Variants in COL2A1 observed in about 807,000 individuals in gnomAD.
COL2A1 encodes the protein collagen alpha-1(II) chain.
In COL2A1, 28 loss-of-function variants were observed where a neutral mutation model predicts 204.5. That is an observed-to-expected ratio of 0.14 (90% confidence interval 0.10 to 0.19). The LOEUF (loss-of-function observed/expected upper bound fraction) is 0.19. COL2A1 is among the 10% of genes least tolerant of loss of function. The pLI is 1.00. For synonymous variants in COL2A1, 708 were observed against 718.7 expected (o/e 0.99, Z 0.24); for missense variants, 1,388 against 2,027.5 (o/e 0.68, Z 6.06).
rs1334427396 is a variant in COL2A1, at chr12:47,980,764, G to A, written c.2518-103C>T. On this transcript the variant is annotated intron_variant, in intron 38 of 53. Coordinates refer to ENST00000380518, the MANE Select transcript of COL2A1 (RefSeq NM_001844.5). This position sits in a 1 kb window ranked among gnomAD's most constrained non-coding sequence, Gnocchi z 4.5. ...TGTGAGTATCTGCGTGTGTGTCCTG[G>A]TCTGGACATGATGGTTCTATTAGTA... 13 of 1,387,034 alleles carry A rather than the reference G, an allele frequency of 9.4e-6. No homozygotes were observed. Among genetic ancestry groups the A allele is most frequent in the Middle Eastern group, 1.8e-4 (1 of 5,706 alleles). The allele number at this position is 1,387,034 out of a possible 1,614,324, so 85.9% of individuals were successfully genotyped here.
chr12:47,997,826 A>G (rs1940034125), intron 6 of COL2A1, 45 bp downstream of exon 6: 1 of 1,612,682 alleles, frequency 6.2e-7, no homozygotes, highest in Non-Finnish European at 8.5e-7. Context: ...GCCTTGGGGG[A>G]CCTGGGAAGT....
chr12:48,004,394 C>T lies in COL2A1; in HGVS notation c.-73G>A, dbSNP rs1014590986. 2.8e-5 allele frequency: 25 copies of T among 892,502 alleles called. No individual in the cohort carries two copies. The highest frequency in any genetic ancestry group is 9.1e-5 in the South Asian group (6 of 65,820). The allele number at this position is 892,502 out of a possible 1,614,324, so 55.3% of individuals were successfully genotyped here. A position where few individuals can be genotyped will look rare whatever the true frequency, so the allele number is the denominator to read the frequency against. ...AAACGGCAGGAGCACGGCGCGGGTC[C>T]GGGTCTCTACCGCGCCCTCATGCAG... On this transcript the variant is annotated 5_prime_UTR_variant, in exon 1 of 54. Coordinates refer to ENST00000380518, the MANE Select transcript of COL2A1 (RefSeq NM_001844.5).
Position 47,976,120 on chromosome 12 carries a change from T to TG in COL2A1, c.3490-51dup. On this transcript the variant is annotated intron_variant, in intron 49 of 53. Coordinates refer to ENST00000380518, the MANE Select transcript of COL2A1 (RefSeq NM_001844.5). The surrounding 1 kb of genome is among the most constrained non-coding windows in gnomAD (Gnocchi z 4.3). ...AAAGAGTGGTCACCACAGGGAAGGC[T>TG]GGGGAGTCGCTGGGGCTGGGTAGGT... is the stretch of plus-strand genomic sequence containing the variant. 1 of 1,394,220 alleles carries TG rather than the reference T, an allele frequency of 7.2e-7. No homozygotes were observed. Among genetic ancestry groups the TG allele is most frequent in the Non-Finnish European group, 1.0e-6 (1 of 979,874 alleles). 86.4% of individuals were successfully genotyped at this position (1,394,220 alleles called of 1,614,324 possible). A position where few individuals can be genotyped will look rare whatever the true frequency, so the allele number is the denominator to read the frequency against.
At position 47,987,261 on chromosome 12, in the gene COL2A1, A is replaced by G. The variant is rs1448276817; in HGVS notation, c.1266+8T>C. ...CCTGGGGTAGCAAAGTCCACGGGCA[A>G]CACTCACAGCAGATCCTTTGGCTCC... is the stretch of plus-strand genomic sequence containing the variant. On this transcript the variant is annotated splice_region_variant and intron_variant, in intron 20 of 53. Transcript: ENST00000380518. The surrounding 1 kb of genome is among the most constrained non-coding windows in gnomAD (Gnocchi z 4.1). 6.2e-7 allele frequency: 1 copy of G among 1,614,092 alleles called. No homozygotes were observed. The highest frequency in any genetic ancestry group is 8.5e-7 in the Non-Finnish European group (1 of 1,179,990).
intron 7 of COL2A1, among the ~76,000 whole-genome samples, chr12:47,997,107 C>G (rs986778305): frequency 1.3e-5 from 2 of 152,150 alleles, no homozygotes; most frequent in Non-Finnish European, 2.9e-5. Context: ...AATAGCAAAC[C>G]TGCAAAAACT....
chr12:47,977,960 C>T (rs1365918532), intron 44 of COL2A1, 50 bp downstream of exon 44: 3 of 1,518,444 alleles, frequency 2.0e-6, no homozygotes, highest in Non-Finnish European at 2.7e-6. Context: ...CAGAGACTCA[C>T]AGGGCCCCTC....
chr12:47,979,523 G>A lies in COL2A1; in HGVS notation c.2721C>T (p.Pro907=). The change falls in exon 41 of 54, where the codon CCC becomes CCT. Residue 907 remains proline (P), a synonymous_variant. Coordinates refer to ENST00000380518, the MANE Select transcript of COL2A1 (RefSeq NM_001844.5). ...GFPGAAGRVG[P]PGSNGNPGPP... is the part of the protein sequence containing the mutation. ...GAGCATCACTTACATTGGAGCCTGG[G>A]GGTCCAACGCGGCCAGCAGCTCCAG... is the stretch of plus-strand genomic sequence containing the variant. 1 of 1,613,632 alleles carries A rather than the reference G, an allele frequency of 6.2e-7. No individual in the cohort carries two copies.
chr12:47,980,577 G>C lies in COL2A1; in HGVS notation c.2602C>G (p.Pro868Ala). ...GDAGAPGPQG[P>A]SGAPGPQGPT... ...ACCTGAGGCCCAGGTGCTCCAGAGG[G>C]GCCCTGAGGACCAGGGGCACCAGCA... is the stretch of plus-strand genomic sequence containing the variant. The change falls in exon 39 of 54, where the codon CCC (proline) becomes GCC (alanine). Residue 868 changes from proline to alanine, a missense_variant. Pro to Ala is a conservative substitution (Grantham distance 27, BLOSUM62 -1). Coordinates refer to ENST00000380518, the MANE Select transcript of COL2A1 (RefSeq NM_001844.5). The surrounding 1 kb of genome is among the most constrained non-coding windows in gnomAD (Gnocchi z 4.5). The C allele has an allele frequency of 6.2e-7, 1 of 1,611,484 alleles. No homozygotes were observed. Among genetic ancestry groups the C allele is most frequent in the African/African-American group, 1.3e-5 (1 of 74,998 alleles).
intron 46 of COL2A1, 49 bp from the exon 47 acceptor site, chr12:47,977,204 G>C (rs1446426135): frequency 1.2e-6 from 2 of 1,605,202 alleles, no homozygotes; most frequent in Non-Finnish European, 1.7e-6. Context: ...GACAGGTGGG[G>C]GCCTCCTCTG....
intron 28 of COL2A1, 122 bp from the exon 29 acceptor site, chr12:47,984,262 G>C: frequency 2.2e-6 from 2 of 920,214 alleles, no homozygotes; most frequent in Non-Finnish European, 1.7e-6. Context: ...CCCCAGCTGA[G>C]CTCCATTTCC....
chr12:47,992,215 T>G (rs961968975), intron 16 of COL2A1, among the ~76,000 whole-genome samples: 1 of 152,216 alleles, frequency 6.6e-6, no homozygotes, highest in South Asian at 2.1e-4. Flanking sequence ...CAGCTGCCAA[T>G]CCCCTCACCC....
chr12:48,000,188 G>A (rs1940168778), intron 1 of COL2A1, 63 bp from the exon 2 acceptor site: 27 of 1,140,504 alleles, frequency 2.4e-5, no homozygotes, highest in Non-Finnish European at 3.5e-5. Context: ...GGGAGCCAGA[G>A]AGAAAAAGAG....
chr12:47,997,781 T>C, intron 6 of COL2A1, 74 bp from the exon 7 acceptor site: 1 of 1,612,262 alleles, frequency 6.2e-7, no homozygotes, highest in Non-Finnish European at 8.5e-7. Context: ...TGGCTGCTCT[T>C]TAAGAGGTGA....
intron 16 of COL2A1, 104 bp from the exon 17 acceptor site, chr12:47,989,909 T>A (rs1939624826): frequency 8.8e-7 from 1 of 1,140,370 alleles, no homozygotes; most frequent in Non-Finnish European, 1.3e-6. Context: ...GTGCCTGGGG[T>A]GTCCCAGGGC....
intron 52 of COL2A1, 145 bp from the exon 53 acceptor site, chr12:47,974,476 G>T: frequency 7.7e-7 from 1 of 1,297,318 alleles, no homozygotes; most frequent in Non-Finnish European, 1.1e-6. Context: ...TTTGCTTCCA[G>T]GAGTGGAGCA....
chr12:47,973,272 A>T lies in COL2A1; in HGVS notation c.*135T>A. 1.7e-6 allele frequency: 2 copies of T among 1,185,278 alleles called. No homozygotes were observed. The highest frequency in any genetic ancestry group is 2.5e-6 in the Non-Finnish European group (2 of 790,126). The allele number at this position is 1,185,278 out of a possible 1,614,324, so 73.4% of individuals were successfully genotyped here. A position where few individuals can be genotyped will look rare whatever the true frequency, so the allele number is the denominator to read the frequency against. ...TAGAAAGAGAGGGGAGAAAAGTCCG[A>T]ACTGTGAGAGGGTGGGATGAATGGA... is the stretch of plus-strand genomic sequence containing the variant. On this transcript the variant is annotated 3_prime_UTR_variant, in exon 54 of 54. Coordinates refer to ENST00000380518, the MANE Select transcript of COL2A1 (RefSeq NM_001844.5).
intron 7 of COL2A1, among the ~76,000 whole-genome samples, chr12:47,997,268 A>T (rs1191314551): frequency 6.6e-6 from 1 of 152,182 alleles, no homozygotes; most frequent in Admixed American, 6.5e-5. Context: ...GACAGTGGTC[A>T]CTCGTCTTCC....
Position 47,992,936 on chromosome 12 carries a change from A to AAC in COL2A1, c.970-7_970-6dup, listed in dbSNP as rs1424188844. 1 of 1,614,112 alleles carries AAC rather than the reference A, an allele frequency of 6.2e-7. No homozygotes were observed. Among genetic ancestry groups the AAC allele is most frequent in the African/African-American group, 1.3e-5 (1 of 75,044 alleles). On this transcript the variant is annotated splice_polypyrimidine_tract_variant and splice_region_variant and intron_variant, in intron 15 of 53. Transcript: ENST00000380518. ...ACCAGGCAGGCCACGAGGACCCTGG[A>AAC]ACACACACCAGGACAGCCTAAGCAT...
chr12:47,984,938 G>A (rs1329984677), intron 27 of COL2A1, 57 bp downstream of exon 27: 1 of 1,433,366 alleles, frequency 7.0e-7, no homozygotes, highest in Non-Finnish European at 9.7e-7. Context: ...TCCCCAAGAG[G>A]GCAGGGAGGT....
Sources: allele counts gnomAD v4.1 joint callset (sites outside exome capture counted in the v4.1 genomes callset), GRCh38; gene constraint gnomAD v4.1.1; non-coding constraint Gnocchi (gnomAD v3.1); transcripts MANE v1.5; gene names NCBI Gene and HGNC (gene_info 2026-07-23, HGNC 2026-07-21).